Variants in ZFP62 observed in about 807,000 individuals in gnomAD.
The protein encoded by ZFP62 is zinc finger protein 62 homolog.
ZFP62 carries 44 observed loss-of-function variants against 56.4 expected under a neutral mutation model. The ratio of observed to expected loss-of-function variants is 0.78; its 90% CI spans 0.61 to 1.00. The LOEUF is 1.00. Ranked by LOEUF, ZFP62 falls within the 50% of genes least tolerant of loss-of-function variation. ZFP62 has a pLI of 0.00. For synonymous variants in ZFP62, 421 were observed against 388.9 expected (o/e 1.08, Z -0.97); for missense variants, 1,030 against 1,085.7 (o/e 0.95, Z 0.72).
the ZFP62 span, among the ~76,000 whole-genome samples, chr5:180,838,145 A>G: frequency 1.3e-5 from 2 of 152,234 alleles, no homozygotes; most frequent in South Asian, 4.1e-4. Flanking sequence ...GTTACACAAA[A>G]CCAAACAAGA....
chr5:180,853,908 G>A (rs565785186), intron 1 of ZFP62, among the ~76,000 whole-genome samples: 2 of 152,286 alleles, frequency 1.3e-5, no homozygotes, highest in South Asian at 4.1e-4. Context: ...AGAAGAAGGC[G>A]AAAATGAACC....
At chr5:180,840,879 T>C in the ZFP62 span, among the ~76,000 whole-genome samples, 1 of 152,052 alleles carries the variant, frequency 6.6e-6, no homozygotes, top group African/African-American at 2.4e-5. Flanking sequence ...GTTAGCATAG[T>C]ATTGCTATCA....
rs1445734461 is a variant in ZFP62 at position 180,849,013 on chromosome 5, C to G, written c.2482G>C (p.Asp828His). Residue 828 changes from aspartate (D) to histidine (H), a missense_variant, in exon 2 of 2, where the codon GAC (aspartate) becomes CAC (histidine). By Grantham distance (81) the Asp-to-His change is moderately conservative (BLOSUM62 -1). Transcript: ENST00000502412. ...CCAGTGTGGATCCTTTTGTGCTGGT[C>G]AAGGACTGATCTATAATTGAAGGAT... ...GKSFNYRSVL[D>H]QHKRIHTGKK... The G allele has an allele frequency of 1.3e-6, 2 of 1,551,722 alleles. No individual in the cohort carries two copies. The highest frequency in any genetic ancestry group is 1.7e-6 in the Non-Finnish European group (2 of 1,147,018).
At chr5:180,853,150 G>GT (rs1347934612) in intron 1 of ZFP62, among the ~76,000 whole-genome samples, 2 of 152,204 alleles carry the variant, frequency 1.3e-5, no homozygotes, top group Non-Finnish European at 1.5e-5. Context: ...AGCATTAATT[G>GT]TAACTGCAAA....
intron 1 of ZFP62, among the ~76,000 whole-genome samples, chr5:180,855,367 G>A (rs1773916190): frequency 6.6e-6 from 1 of 152,060 alleles, no homozygotes; most frequent in South Asian, 2.1e-4. Flanking sequence ...GTTGTATCTG[G>A]AAAAAGTGGT....
At position 180,848,566 on chromosome 5, in the gene ZFP62, TTC is replaced by T; in HGVS notation, c.*224_*225del. ...CATTCCATCACTCAGATCTAAGTTT[TTC>T]TCTCAAGTATGGACTGTTTTATATC... On this transcript the variant is annotated 3_prime_UTR_variant, in exon 2 of 2. Transcript: ENST00000502412. 8.1e-7 allele frequency: 1 copy of T among 1,236,728 alleles called. No homozygotes were observed. The highest frequency in any genetic ancestry group is 3.7e-5 in the South Asian group (1 of 26,832). The allele number at this position is 1,236,728 out of a possible 1,614,324, so 76.6% of individuals were successfully genotyped here. A position where few individuals can be genotyped will look rare whatever the true frequency, so the allele number is the denominator to read the frequency against.
chr5:180,835,832 A>T, the ZFP62 span: 7 of 152,336 alleles, frequency 4.6e-5, no homozygotes, highest in African/African-American at 1.4e-4. Context: ...AATTCTAAAA[A>T]ACTAATTAAT....
chr5:180,849,491 A>T lies in ZFP62; in HGVS notation c.2004T>A (p.Thr668=), dbSNP rs952158029. 5 of 1,552,154 alleles carry T rather than the reference A, an allele frequency of 3.2e-6. No individual in the cohort carries two copies. The highest frequency in any genetic ancestry group is 1.7e-4 in the Middle Eastern group (1 of 5,998). ...CATCACATTCATAGGGCCTCTCCCCAGTATGGATTCTTTTATGAACTTTAA... is the reference window on the plus strand; with the variant it reads ...CATCACATTCATAGGGCCTCTCCCCTGTATGGATTCTTTTATGAACTTTAA... The part of the protein sequence containing the change: ...SSLKVHKRIH[T]GERPYECDVC... Residue 668 remains threonine (T), a synonymous_variant, in exon 2 of 2, where the codon ACT becomes ACA. Coordinates refer to ENST00000502412, the MANE Select transcript of ZFP62 (RefSeq NM_001172638.2).
chr5:180,832,139 C>T, the ZFP62 span, among the ~76,000 whole-genome samples: 5 of 152,118 alleles, frequency 3.3e-5, no homozygotes, highest in Non-Finnish European at 7.4e-5. Flanking sequence ...GATTTTAGCC[C>T]AGTGAGATTC....
intron 1 of ZFP62, among the ~76,000 whole-genome samples, chr5:180,852,793 A>C (rs1773781690): frequency 6.6e-6 from 1 of 152,234 alleles, no homozygotes; most frequent in Non-Finnish European, 1.5e-5. Flanking sequence ...CATACAGGAA[A>C]ACAGGTAAAA....
At position 180,849,497 on chromosome 5, in the gene ZFP62, G is replaced by A; in HGVS notation, c.1998C>T (p.Ile666=). Residue 666 remains isoleucine, a synonymous_variant, in exon 2 of 2, where the codon ATC becomes ATT. Transcript: ENST00000502412. ...NNSSLKVHKR[I]HTGERPYECD... is the part of the protein sequence containing the mutation. ...ATTCATAGGGCCTCTCCCCAGTATG[G>A]ATTCTTTTATGAACTTTAAGGCTTG... 1 of 1,552,030 alleles carries A rather than the reference G, an allele frequency of 6.4e-7. No individual in the cohort carries two copies. The highest frequency in any genetic ancestry group is 8.7e-7 in the Non-Finnish European group (1 of 1,147,092).
chr5:180,833,535 G>A, the ZFP62 span, among the ~76,000 whole-genome samples: 3 of 151,078 alleles, frequency 2.0e-5, no homozygotes, highest in African/African-American at 7.3e-5. Flanking sequence ...TCTGCCATAT[G>A]AGGATACAGT....
the ZFP62 span, among the ~76,000 whole-genome samples, chr5:180,837,881 C>G: frequency 7.9e-5 from 12 of 152,298 alleles, no homozygotes; most frequent in Admixed American, 2.6e-4. Flanking sequence ...CCGCCCTCCT[C>G]CGAGCCTCCT....
At chr5:180,835,760 A>C in the ZFP62 span, 3 of 152,212 alleles carry the variant, frequency 2.0e-5, no homozygotes, top group African/African-American at 7.2e-5. Flanking sequence ...TTTATGTGAC[A>C]GTTTCATTAC....
At chr5:180,857,790 C>T (rs1774067615) in intron 1 of ZFP62, among the ~76,000 whole-genome samples, 1 of 120,296 alleles carries the variant, frequency 8.3e-6, no homozygotes, top group Non-Finnish European at 1.7e-5. Context: ...AACCACCGCA[C>T]CCAGACCTTT....
the ZFP62 span, chr5:180,831,368 A>T: frequency 6.6e-6 from 1 of 150,488 alleles, no homozygotes. Flanking sequence ...ACAGGCCGGG[A>T]GAAGAGGGGC....
intron 1 of ZFP62, among the ~76,000 whole-genome samples, chr5:180,853,738 T>C (rs1412849298): frequency 1.3e-5 from 2 of 152,224 alleles, no homozygotes; most frequent in East Asian, 3.9e-4. Context: ...GGCGGGGCAG[T>C]GGGAAGAGGT....
chr5:180,851,562 C>A, intron 1 of ZFP62, 69 bp from the exon 2 acceptor site: 1 of 1,419,554 alleles, frequency 7.0e-7, no homozygotes, highest in Non-Finnish European at 9.3e-7. Context: ...ACTGGAATAA[C>A]AATGAACAAC....
At position 180,850,275 on chromosome 5, in the gene ZFP62, C is replaced by T; in HGVS notation, c.1220G>A (p.Gly407Asp). ...GTGAATGCTTTTATGGACTGCGAGG[C>T]CTGAGCTATAGCTGAATGCTTTGCC... The part of the protein sequence containing the change: ...VCGKAFSYSS[G>D]LAVHKSIHPG... Residue 407 changes from glycine to aspartate, a missense_variant, in exon 2 of 2, where the codon GGC (glycine) becomes GAC (aspartate). Transcript: ENST00000502412. 6.4e-7 allele frequency: 1 copy of T among 1,556,968 alleles called. No individual in the cohort carries two copies. Among genetic ancestry groups the T allele is most frequent in the Non-Finnish European group, 8.7e-7 (1 of 1,150,258 alleles).
Sources: allele counts gnomAD v4.1 joint callset (sites outside exome capture counted in the v4.1 genomes callset), GRCh38; gene constraint gnomAD v4.1.1; transcripts MANE v1.5; gene names NCBI Gene and HGNC (gene_info 2026-07-23, HGNC 2026-07-21).